ZNF385D: variants seen among roughly 807,000 people sequenced by gnomAD.
ZNF385D encodes zinc finger protein 659.
Under a neutral mutation model 35.8 loss-of-function variants are expected in ZNF385D, and 15 were observed. The observed-to-expected ratio is 0.42, with a 90% CI of 0.28 to 0.64. The LOEUF (loss-of-function observed/expected upper bound fraction) is 0.64. ZNF385D is among the 30% of genes least tolerant of loss of function. The pLI is 0.23. For synonymous variants in ZNF385D, 212 were observed against 186.8 expected (o/e 1.13, Z -1.10); for missense variants, 474 against 494.6 (o/e 0.96, Z 0.39).
chr3:21,669,004 T>C (rs1208703794), intron 1 of ZNF385D, among the ~76,000 whole-genome samples: 1 of 152,198 alleles, frequency 6.6e-6, no homozygotes, highest in African/African-American at 2.4e-5. Flanking sequence ...GTCACTTTAT[T>C]CATTGGAATG....
intron 3 of ZNF385D, among the ~76,000 whole-genome samples, chr3:21,771,411 T>C (rs903152185): frequency 6.6e-6 from 1 of 151,852 alleles, no homozygotes; most frequent in African/African-American, 2.4e-5. Flanking sequence ...TTATTAGATT[T>C]AAATGTCCAG....
At chr3:21,527,418 T>C (rs1708291581) in intron 3 of ZNF385D, among the ~76,000 whole-genome samples, 1 of 152,158 alleles carries the variant, frequency 6.6e-6, no homozygotes, top group Non-Finnish European at 1.5e-5. Context: ...TTTATTTATA[T>C]ACCCAACATA....
chr3:21,511,982 A>T (rs961435407), intron 3 of ZNF385D, among the ~76,000 whole-genome samples: 3 of 151,642 alleles, frequency 2.0e-5, no homozygotes, highest in African/African-American at 7.3e-5. Flanking sequence ...CCCCATCTCT[A>T]CTAAAAATAC....
intron 2 of ZNF385D, among the ~76,000 whole-genome samples, chr3:22,200,180 G>A (rs769035614): frequency 2.0e-5 from 3 of 152,032 alleles, no homozygotes; most frequent in Non-Finnish European, 4.4e-5. Flanking sequence ...AATTAATAGA[G>A]GGAGGTCAAT....
At chr3:21,806,672 G>A (rs1248272347) in intron 3 of ZNF385D, among the ~76,000 whole-genome samples, 1 of 152,126 alleles carries the variant, frequency 6.6e-6, no homozygotes, top group Non-Finnish European at 1.5e-5. Flanking sequence ...GAAAACATAT[G>A]TTATATAGTA....
chr3:22,313,329 A>G (rs1478685632), intron 2 of ZNF385D, among the ~76,000 whole-genome samples: 1 of 151,978 alleles, frequency 6.6e-6, no homozygotes, highest in African/African-American at 2.4e-5. Flanking sequence ...CAGCACACCA[A>G]CATGGCACAT....
At chr3:21,998,622 G>A (rs1695637200) in intron 3 of ZNF385D, among the ~76,000 whole-genome samples, 1 of 152,156 alleles carries the variant, frequency 6.6e-6, no homozygotes, top group Non-Finnish European at 1.5e-5. Flanking sequence ...GCCCAGCCAA[G>A]AGATTTGTTA....
At chr3:21,889,929 T>G (rs1012666164) in intron 3 of ZNF385D, among the ~76,000 whole-genome samples, 1 of 152,182 alleles carries the variant, frequency 6.6e-6, no homozygotes, top group African/African-American at 2.4e-5. Flanking sequence ...AATCTTCACA[T>G]AGCATCTCTG....
At chr3:21,703,173 G>A (rs1011682539) in intron 1 of ZNF385D, among the ~76,000 whole-genome samples, 1 of 152,136 alleles carries the variant, frequency 6.6e-6, no homozygotes, top group Non-Finnish European at 1.5e-5. Context: ...CCACATGGCT[G>A]GGGAGGCCTC....
At position 21,665,409 on chromosome 3, in the gene ZNF385D, C is replaced by G. The variant is rs546570417; in HGVS notation, c.23-381G>C. ...ATCCCTCTTTGAAAACTAAACCACT[C>G]ACAATATGCATTAAGTCTGAGTGAT... On this transcript the variant is annotated intron_variant, in intron 1 of 7. Transcript: ENST00000281523. Among the ~76,000 whole-genome samples the G allele has an allele frequency of 2.0e-4, 30 of 152,314 alleles. 1 individual carries two copies. The East Asian group carries it at 3.5e-3, about 18-fold the overall frequency.
intron 1 of ZNF385D, among the ~76,000 whole-genome samples, chr3:21,672,878 G>A (rs2066618322): frequency 6.6e-6 from 1 of 152,048 alleles, no homozygotes; most frequent in African/African-American, 2.4e-5. Context: ...AACTAACTTT[G>A]ATGACAATTT....
intron 1 of ZNF385D, among the ~76,000 whole-genome samples, chr3:21,719,228 A>T (rs137960613): frequency 1.3e-3 from 192 of 152,328 alleles, no homozygotes; most frequent in African/African-American, 4.5e-3. Context: ...ACACCTCCTC[A>T]ATCAGCATCA....
rs183392224 is a variant in ZNF385D at position 22,288,081 on chromosome 3, C to T, written c.106+84369G>A. Among the ~76,000 whole-genome samples, 562 of 151,826 alleles carry T rather than the reference C, an allele frequency of 3.7e-3. 3 individuals are homozygous for T. Among genetic ancestry groups the T allele is most frequent in the African/African-American group, 0.013 (543 of 41,436 alleles). ...CTCTCAGTATTCTGAAATATCAAAC[C>T]ACTTCTTTATGATTGCAATGTTTTT... On this transcript the variant is annotated intron_variant, in intron 2 of 5. Coordinates refer to the ZNF385D transcript ENST00000494108.
At chr3:22,226,876 A>T (rs1255158953) in intron 2 of ZNF385D, among the ~76,000 whole-genome samples, 1 of 152,162 alleles carries the variant, frequency 6.6e-6, no homozygotes, top group African/African-American at 2.4e-5. Context: ...AACTCCTATG[A>T]CCTTAATATT....
chr3:21,541,960 T>A (rs1009089754), intron 3 of ZNF385D, among the ~76,000 whole-genome samples: 8 of 152,194 alleles, frequency 5.3e-5, no homozygotes, highest in African/African-American at 1.9e-4. Context: ...CATCAAGGAT[T>A]TTATTCCATA....
At chr3:21,962,955 A>G (rs1306854326) in intron 3 of ZNF385D, among the ~76,000 whole-genome samples, 1 of 152,208 alleles carries the variant, frequency 6.6e-6, no homozygotes, top group African/African-American at 2.4e-5. Flanking sequence ...AACACCAAAC[A>G]CTTTCTCCAA....
intron 3 of ZNF385D, among the ~76,000 whole-genome samples, chr3:21,561,577 A>G (rs926740680): frequency 6.6e-6 from 1 of 152,144 alleles, no homozygotes; most frequent in Admixed American, 6.5e-5. Flanking sequence ...TGCAGACTGG[A>G]GCTGTTTCTA....
intron 4 of ZNF385D, among the ~76,000 whole-genome samples, chr3:21,446,487 C>CTTTTTTTTTT (rs71044918): frequency 6.5e-5 from 6 of 91,876 alleles, no homozygotes; most frequent in African/African-American, 9.5e-5. Context: ...AATCAATGAA[C>CTTTTTTTTTT]TTTTTTTTTT....
chr3:21,941,384 A>G (rs1004612699), intron 3 of ZNF385D, among the ~76,000 whole-genome samples: 1 of 152,114 alleles, frequency 6.6e-6, no homozygotes, highest in South Asian at 2.1e-4. Flanking sequence ...CAGGTATAAT[A>G]CAATTTCCTA....
Sources: gnomAD v4.1 joint callset for allele counts (sites outside exome capture counted in the v4.1 genomes callset) on GRCh38, gnomAD v4.1.1 for gene constraint, MANE v1.5 for transcripts, NCBI Gene and HGNC (gene_info 2026-07-23, HGNC 2026-07-21) for gene names.